The following PDE10A variants were observed in gnomAD, a reference collection of about 807,000 sequenced individuals.
The protein encoded by PDE10A is cAMP and cAMP-inhibited cGMP 3',5'-cyclic phosphodiesterase 10A.
Under a neutral mutation model 97.7 loss-of-function variants are expected in PDE10A, and 39 were observed. The ratio of observed to expected loss-of-function variants is 0.40; its 90% CI spans 0.31 to 0.52. The LOEUF is 0.52. PDE10A is among the 20% of genes least tolerant of loss of function. The pLI, the probability that PDE10A is intolerant of heterozygous loss-of-function variation, is 0.56. For synonymous variants in PDE10A, 371 were observed against 376.8 expected (o/e 0.98, Z 0.18); for missense variants, 731 against 1,047.8 (o/e 0.70, Z 4.17).
At position 165,834,550 on chromosome 6, in the gene PDE10A, GA is replaced by G. The variant is rs1780018583; in HGVS notation, c.-615+152978del. On this transcript the variant is annotated intron_variant, in intron 1 of 19. Transcript: ENST00000366882. The stretch of plus-strand genomic sequence containing the variant: ...AATGGTGAAGAGCAGCAGGGGCTTG[GA>G]AGGCACAGATCTGGAATCCCAGCTC... 2.0e-5 allele frequency among the ~76,000 whole-genome samples: 3 copies of G among 152,218 alleles called. No homozygotes were observed. In the South Asian group the frequency reaches 6.2e-4, roughly 31 times the overall value.
At chr6:165,755,523 A>G (rs1793097517) in intron 1 of PDE10A, among the ~76,000 whole-genome samples, 2 of 152,310 alleles carry the variant, frequency 1.3e-5, no homozygotes, top group Admixed American at 1.3e-4. Context: ...AAAATACGGC[A>G]CAAAATTCTA....
intron 1 of PDE10A, among the ~76,000 whole-genome samples, chr6:165,771,529 T>C (rs1194232894): frequency 2.0e-5 from 3 of 152,014 alleles, no homozygotes; most frequent in African/African-American, 7.3e-5. Context: ...TCAAACTTCT[T>C]TCCTCAAAGC....
intron 2 of PDE10A, among the ~76,000 whole-genome samples, chr6:165,541,512 T>C (rs542269866): frequency 1.3e-5 from 2 of 152,322 alleles, no homozygotes; most frequent in South Asian, 2.1e-4. Context: ...GTTTTTATGG[T>C]AGCACTACAA....
chr6:165,398,600 T>C (rs1359069359), intron 13 of PDE10A, among the ~76,000 whole-genome samples: 2 of 152,192 alleles, frequency 1.3e-5, no homozygotes, highest in Non-Finnish European at 2.9e-5. Flanking sequence ...ATGCATTTCC[T>C]TTGTTCTTTA....
intron 10 of PDE10A, among the ~76,000 whole-genome samples, chr6:165,422,272 C>T (rs903830400): frequency 2.0e-5 from 3 of 151,806 alleles, no homozygotes; most frequent in Non-Finnish European, 4.4e-5. Flanking sequence ...CACACACATA[C>T]GCATACACAC....
intron 1 of PDE10A, among the ~76,000 whole-genome samples, chr6:165,574,785 C>T (rs590870): frequency 0.98 from 149,884 of 152,316 alleles, 73,796 homozygotes; most frequent in East Asian, 1. Flanking sequence ...TCATACTGGT[C>T]ATACAGCTAA....
intron 1 of PDE10A, among the ~76,000 whole-genome samples, chr6:165,681,822 A>G (rs1790985776): frequency 6.6e-6 from 1 of 152,158 alleles, no homozygotes; most frequent in South Asian, 2.1e-4. Context: ...TGAGCTGGCT[A>G]CTAGAGGAAG....
chr6:165,731,051 A>G (rs1464734731), intron 1 of PDE10A, among the ~76,000 whole-genome samples: 1 of 152,212 alleles, frequency 6.6e-6, no homozygotes, highest in African/African-American at 2.4e-5. Flanking sequence ...CTCAAAAACA[A>G]AAAGCAACAA....
intron 1 of PDE10A, among the ~76,000 whole-genome samples, chr6:165,953,229 T>G (rs946258220): frequency 6.6e-6 from 1 of 152,212 alleles, no homozygotes; most frequent in Non-Finnish European, 1.5e-5. Context: ...AATTAAATAT[T>G]GTTTTCTAAA....
chr6:165,943,311 G>A (rs1485100918), intron 1 of PDE10A, among the ~76,000 whole-genome samples: 3,885 of 66,420 alleles, frequency 0.058, 376 homozygotes, highest in East Asian at 0.071. Context: ...AAGAAAGAAG[G>A]AAGGAAGGAA....
At chr6:165,349,196 T>C (rs1782524264) in intron 18 of PDE10A, among the ~76,000 whole-genome samples, 1 of 152,124 alleles carries the variant, frequency 6.6e-6, no homozygotes, top group Non-Finnish European at 1.5e-5. Context: ...TCCTAGAGAC[T>C]TGGACAACTC....
chr6:165,638,717 T>G (rs1788992628), intron 1 of PDE10A, among the ~76,000 whole-genome samples: 1 of 152,192 alleles, frequency 6.6e-6, no homozygotes, highest in African/African-American at 2.4e-5. Context: ...ATCCCAAGGT[T>G]AAGTCGCCCA....
chr6:165,981,591 G>A (rs1785017748), intron 1 of PDE10A, among the ~76,000 whole-genome samples: 1 of 152,198 alleles, frequency 6.6e-6, no homozygotes, highest in Non-Finnish European at 1.5e-5. Context: ...TCATTCTTGA[G>A]CTCCTTTTCT....
chr6:165,408,791 T>G (rs978155139), intron 13 of PDE10A, among the ~76,000 whole-genome samples: 1 of 151,924 alleles, frequency 6.6e-6, no homozygotes, highest in Non-Finnish European at 1.5e-5. Context: ...TGGACTCAAA[T>G]CTCTTATTCC....
chr6:165,725,203 T>C (rs1562705385), intron 1 of PDE10A, among the ~76,000 whole-genome samples: 2 of 152,162 alleles, frequency 1.3e-5, no homozygotes, highest in South Asian at 4.1e-4. Context: ...TCCAAGCCCA[T>C]GTGTGATCCG....
At chr6:165,685,447 C>T (rs76840497) in intron 1 of PDE10A, among the ~76,000 whole-genome samples, 1 of 151,786 alleles carries the variant, frequency 6.6e-6, no homozygotes, top group African/African-American at 2.4e-5. Flanking sequence ...CTTCTGTATG[C>T]TTCAGATTAT....
chr6:165,852,145 T>C (rs1416889733), intron 1 of PDE10A, among the ~76,000 whole-genome samples: 1 of 152,118 alleles, frequency 6.6e-6, no homozygotes, highest in Non-Finnish European at 1.5e-5. Context: ...ACTAGTTGAG[T>C]TCTGGTAGGG....
chr6:165,515,994 C>T (rs987554604), intron 2 of PDE10A, among the ~76,000 whole-genome samples: 3 of 152,140 alleles, frequency 2.0e-5, no homozygotes, highest in Non-Finnish European at 2.9e-5. Flanking sequence ...CAAAGGAACT[C>T]GGTGAAACTG....
chr6:165,721,538 T>G (rs2128448613), intron 1 of PDE10A, among the ~76,000 whole-genome samples: 1 of 152,338 alleles, frequency 6.6e-6, no homozygotes, highest in African/African-American at 2.4e-5. Context: ...AGGCCATAAG[T>G]GGTTCCAGAT....
Sources: gnomAD v4.1 joint callset for allele counts (sites outside exome capture counted in the v4.1 genomes callset) on GRCh38, gnomAD v4.1.1 for gene constraint, MANE v1.5 for transcripts, NCBI Gene and HGNC (gene_info 2026-07-23, HGNC 2026-07-21) for gene names.